The following TPRG1 variants were observed in gnomAD, a reference collection of about 807,000 sequenced individuals.
TPRG1 encodes tumor protein p63 regulated 1.
Under a neutral mutation model 29.3 loss-of-function variants are expected in TPRG1, and 29 were observed. The ratio of observed to expected loss-of-function variants is 0.99; its 90% CI spans 0.74 to 1.35. The LOEUF (loss-of-function observed/expected upper bound fraction) is 1.35, where lower values mean the gene tolerates loss of function less well. Among genes scored for constraint, TPRG1 ranks in the 40% most tolerant of loss-of-function variants. The pLI, the probability that TPRG1 is intolerant of heterozygous loss-of-function variation, is 0.00. For synonymous variants in TPRG1, 130 were observed against 116.8 expected (o/e 1.11, Z -0.73); for missense variants, 327 against 335.0 (o/e 0.98, Z 0.19).
At chr3:189,159,159 CA>C (rs1448370654) in intron 5 of TPRG1, among the ~76,000 whole-genome samples, 1 of 151,972 alleles carries the variant, frequency 6.6e-6, no homozygotes, top group Admixed American at 6.6e-5. Context: ...CTTTTGGTTT[CA>C]ATGCTAAATC....
intron 4 of TPRG1, among the ~76,000 whole-genome samples, chr3:189,036,663 A>C (rs1208089250): frequency 6.6e-6 from 1 of 152,078 alleles, no homozygotes; most frequent in Non-Finnish European, 1.5e-5. Context: ...CAGACAAATA[A>C]GTTTGAATTC....
At chr3:189,212,082 G>T (rs1735355683) in intron 2 of TPRG1, 1 of 152,044 alleles carries the variant, frequency 6.6e-6, no homozygotes, top group African/African-American at 2.4e-5. Flanking sequence ...CATGGGGAAA[G>T]ATATTTTTAA....
intron 5 of TPRG1, among the ~76,000 whole-genome samples, chr3:189,317,420 C>T (rs1191063044): frequency 6.6e-6 from 1 of 152,146 alleles, no homozygotes; most frequent in Non-Finnish European, 1.5e-5. Context: ...TTTCCTAATC[C>T]TTTATATAAT....
At chr3:189,102,573 C>T (rs998546196) in intron 1 of TPRG1, among the ~76,000 whole-genome samples, 2 of 152,188 alleles carry the variant, frequency 1.3e-5, no homozygotes, top group African/African-American at 4.8e-5. Context: ...AGGCCCTCAT[C>T]CCTTCACGTC....
At chr3:189,057,686 G>C (rs1224863417) in intron 4 of TPRG1, among the ~76,000 whole-genome samples, 1 of 149,824 alleles carries the variant, frequency 6.7e-6, no homozygotes, top group Non-Finnish European at 1.5e-5. Context: ...TCACTAATAG[G>C]AGACAAGAGG....
chr3:189,005,168 C>T (rs555741746), intron 3 of TPRG1, among the ~76,000 whole-genome samples: 3 of 152,172 alleles, frequency 2.0e-5, no homozygotes, highest in African/African-American at 7.2e-5. Context: ...TAAACCAATG[C>T]CTTATAGCAT....
chr3:189,248,847 A>ATT (rs201626012), intron 4 of TPRG1, among the ~76,000 whole-genome samples: 2 of 150,388 alleles, frequency 1.3e-5, no homozygotes, highest in East Asian at 3.9e-4. Context: ...TAAATTGCCA[A>ATT]TTTTTTTTTA....
chr3:189,193,166 T>C (rs934037660), intron 1 of TPRG1, among the ~76,000 whole-genome samples: 1 of 133,640 alleles, frequency 7.5e-6, no homozygotes, highest in African/African-American at 2.7e-5. Flanking sequence ...GATGAGGTCT[T>C]GCTTTGTCAC....
intron 3 of TPRG1, chr3:189,217,911 A>C: frequency 1.0e-6 from 1 of 985,220 alleles, no homozygotes; most frequent in Non-Finnish European, 1.2e-6. Flanking sequence ...AACAACAACA[A>C]TGAGAACACA....
At chr3:189,131,387 A>G (rs1466702344) in intron 2 of TPRG1, among the ~76,000 whole-genome samples, 2 of 152,180 alleles carry the variant, frequency 1.3e-5, no homozygotes, top group East Asian at 3.9e-4. Flanking sequence ...GTGTGTTTAT[A>G]TATATATAGT....
intron 3 of TPRG1, among the ~76,000 whole-genome samples, chr3:189,237,392 T>C (rs1739685391): frequency 6.6e-6 from 1 of 152,186 alleles, no homozygotes; most frequent in African/African-American, 2.4e-5. Flanking sequence ...TTGTGGTGTA[T>C]ATTCTGATTG....
chr3:189,262,429 C>G lies in TPRG1; in HGVS notation c.479+23520C>G, dbSNP rs562102471. Among the ~76,000 whole-genome samples, 5 of 152,104 alleles carry G rather than the reference C, an allele frequency of 3.3e-5. No homozygotes were observed. In the South Asian group the frequency reaches 1.0e-3, roughly 32 times the overall value. The stretch of plus-strand genomic sequence containing the variant: ...CTATGGGAAGAGAGGTCGGTTGAGA[C>G]AAACTATTCACTCAAGTGTCATCTG... On this transcript the variant is annotated intron_variant, in intron 4 of 5. Transcript: ENST00000345063.
chr3:189,102,423 A>G (rs1245123297), intron 1 of TPRG1, among the ~76,000 whole-genome samples: 1 of 152,206 alleles, frequency 6.6e-6, no homozygotes, highest in African/African-American at 2.4e-5. Context: ...CACATGTTCC[A>G]ATATTGGTGG....
intron 3 of TPRG1, among the ~76,000 whole-genome samples, chr3:189,019,039 T>A (rs1713128550): frequency 6.6e-6 from 1 of 152,090 alleles, no homozygotes; most frequent in Non-Finnish European, 1.5e-5. Flanking sequence ...GTTTGTCTGT[T>A]GTTGGTGTAT....
chr3:189,007,321 G>C (rs1712345877), intron 3 of TPRG1, among the ~76,000 whole-genome samples: 1 of 152,044 alleles, frequency 6.6e-6, no homozygotes, highest in South Asian at 2.1e-4. Flanking sequence ...GGCCATCAGA[G>C]AAATGCAAAT....
intron 4 of TPRG1, among the ~76,000 whole-genome samples, chr3:189,263,559 G>A (rs1560621685): frequency 6.6e-6 from 1 of 152,210 alleles, no homozygotes; most frequent in Non-Finnish European, 1.5e-5. Flanking sequence ...GGGGTTCACA[G>A]TTAAAACTAG....
At chr3:189,253,399 C>T (rs769383160) in intron 4 of TPRG1, among the ~76,000 whole-genome samples, 29 of 152,168 alleles carry the variant, frequency 1.9e-4, no homozygotes, top group Non-Finnish European at 3.8e-4. Flanking sequence ...TGGTTTCCAG[C>T]TTCATCCATG....
chr3:189,277,264 A>G (rs879511377), intron 4 of TPRG1, among the ~76,000 whole-genome samples: 8 of 152,182 alleles, frequency 5.3e-5, no homozygotes, highest in Non-Finnish European at 1.0e-4. Context: ...TACTCCAAAC[A>G]TAATTATCAA....
chr3:189,292,984 T>G (rs1021863281), intron 4 of TPRG1, among the ~76,000 whole-genome samples: 1 of 152,190 alleles, frequency 6.6e-6, no homozygotes, highest in African/African-American at 2.4e-5. Context: ...GGGTCCCACA[T>G]GTGCTTGTTT....
Sources: gnomAD v4.1 joint callset for allele counts (sites outside exome capture counted in the v4.1 genomes callset) on GRCh38, gnomAD v4.1.1 for gene constraint, MANE v1.5 for transcripts, NCBI Gene and HGNC (gene_info 2026-07-23, HGNC 2026-07-21) for gene names.